The following DNAL1 variants were observed in gnomAD, a reference collection of about 807,000 sequenced individuals.
DNAL1 encodes chromosome 14 open reading frame 168.
Under a neutral mutation model 29.4 loss-of-function variants are expected in DNAL1, and 17 were observed. That is an observed-to-expected ratio of 0.58 (90% CI 0.40 to 0.87). The LOEUF is 0.87. Among genes scored for constraint, DNAL1 ranks in the 40% least tolerant of loss-of-function variants. DNAL1 has a pLI of 0.00. For missense variants in DNAL1, 188 were observed against 214.1 expected (o/e 0.88, Z 0.76); for synonymous variants, 78 against 76.3 (o/e 1.02, Z -0.12).
chr14:73,685,613 C>T (rs12436322), intron 5 of DNAL1, among the ~76,000 whole-genome samples: 33,607 of 151,868 alleles, frequency 0.22, 4,985 homozygotes, highest in Non-Finnish European at 0.33. Context: ...GCATGTGCCA[C>T]CATGCCCGGC....
chr14:73,645,195 A>G (rs1890950584), intron 1 of DNAL1, among the ~76,000 whole-genome samples, 153 bp downstream of exon 1: 1 of 152,120 alleles, frequency 6.6e-6, no homozygotes, highest in African/African-American at 2.4e-5. Flanking sequence ...CCGAGGCGAA[A>G]GAGAAGCCCT....
rs770999301 is a variant in DNAL1, at chr14:73,644,994, C to G, written c.-46C>G. 3.1e-6 allele frequency: 5 copies of G among 1,604,588 alleles called. No individual in the cohort carries two copies. In the East Asian group the frequency reaches 9.0e-5, roughly 29 times the overall value. ...CCGAGAAGTGCGCACGCGCACTGAC[C>G]CCGCGGGCCCTAGCAACCAGAGCAG... On this transcript the variant is annotated 5_prime_UTR_variant, in exon 1 of 8. Transcript: ENST00000553645.
chr14:73,694,821 A>T (rs553800096), intron 7 of DNAL1, among the ~76,000 whole-genome samples: 17 of 150,270 alleles, frequency 1.1e-4, no homozygotes, highest in Non-Finnish European at 1.9e-4. Flanking sequence ...TTCTGAGTAG[A>T]TGGGATTACA....
intron 4 of DNAL1, among the ~76,000 whole-genome samples, chr14:73,670,736 TTTA>T (rs933351653): frequency 4.0e-5 from 6 of 151,408 alleles, no homozygotes; most frequent in Non-Finnish European, 8.8e-5. Context: ...TTTATTTATT[TTTA>T]TTATTATTTT....
intron 6 of DNAL1, 57 bp downstream of exon 6, chr14:73,687,442 C>T (rs1416455414): frequency 4.8e-6 from 7 of 1,452,374 alleles, no homozygotes; most frequent in African/African-American, 1.4e-5. Context: ...GAAAATAGTC[C>T]GAGAGGGAAA....
At position 73,695,048 on chromosome 14, in the gene DNAL1, C is replaced by CTTTTT. The variant is rs71112798; in HGVS notation, c.533-833_533-829dup. ...TATTTTTCTACTTGGTACTTGTTGG[C>CTTTTT]TTTTTTTTTTTTTTTTTTTTTTTTT... On this transcript the variant is annotated intron_variant, in intron 7 of 7. Transcript: ENST00000553645. 3.3e-3 allele frequency among the ~76,000 whole-genome samples: 201 copies of CTTTTT among 60,890 alleles called. 15 individuals are homozygous for CTTTTT. The highest frequency in any genetic ancestry group is 8.4e-3 in the African/African-American group (119 of 14,210). 39.9% of individuals were successfully genotyped at this position (60,890 alleles called of 152,430 possible). A position where few individuals can be genotyped will look rare whatever the true frequency, so the allele number is the denominator to read the frequency against.
At chr14:73,693,418 C>T (rs768266654) in intron 7 of DNAL1, among the ~76,000 whole-genome samples, 1 of 152,138 alleles carries the variant, frequency 6.6e-6, no homozygotes, top group Non-Finnish European at 1.5e-5. Context: ...TTATAAACTA[C>T]TTAAATGTTC....
At chr14:73,684,424 AAAT>A (rs1891962994) in intron 5 of DNAL1, among the ~76,000 whole-genome samples, 2 of 152,276 alleles carry the variant, frequency 1.3e-5, no homozygotes, top group African/African-American at 4.8e-5. Flanking sequence ...TGTTTATATT[AAAT>A]AATATAAAAG....
intron 6 of DNAL1, among the ~76,000 whole-genome samples, chr14:73,689,119 C>T (rs562583963): frequency 9.5e-5 from 14 of 146,862 alleles, no homozygotes; most frequent in East Asian, 2.1e-4. Context: ...CTGCAACCTC[C>T]GTCTCCCGGG....
chr14:73,675,958 G>A (rs900863903), intron 5 of DNAL1, among the ~76,000 whole-genome samples: 1 of 151,998 alleles, frequency 6.6e-6, no homozygotes, highest in Non-Finnish European at 1.5e-5. Flanking sequence ...GAGGATGCAG[G>A]AGCCGAGATT....
intron 4 of DNAL1, among the ~76,000 whole-genome samples, chr14:73,664,830 C>T (rs535120356): frequency 1.3e-5 from 2 of 151,852 alleles, no homozygotes; most frequent in African/African-American, 4.8e-5. Flanking sequence ...TACTGCACTC[C>T]AGCCTGTGCA....
chr14:73,658,264 A>G (rs1029805526), intron 2 of DNAL1, among the ~76,000 whole-genome samples: 7 of 152,154 alleles, frequency 4.6e-5, no homozygotes, highest in African/African-American at 7.2e-5. Context: ...TGGTCTGTGT[A>G]TCTGCTTTTA....
chr14:73,653,845 T>G (rs577288655), intron 1 of DNAL1, among the ~76,000 whole-genome samples: 1 of 152,272 alleles, frequency 6.6e-6, no homozygotes, highest in African/African-American at 2.4e-5. Flanking sequence ...ACCTTTAGAG[T>G]TTTAAATATA....
At chr14:73,663,933 G>A (rs914117244) in intron 4 of DNAL1, among the ~76,000 whole-genome samples, 1 of 152,202 alleles carries the variant, frequency 6.6e-6, no homozygotes, top group Non-Finnish European at 1.5e-5. Context: ...CTATGTAGTT[G>A]TGGGTGTATC....
Position 73,654,556 on chromosome 14 carries a change from G to A in DNAL1, c.4-291G>A, listed in dbSNP as rs116380199. 8.3e-3 allele frequency among the ~76,000 whole-genome samples: 1,265 copies of A among 152,168 alleles called. 25 individuals are homozygous for A. The highest frequency in any genetic ancestry group is 0.029 in the African/African-American group (1,197 of 41,518). ...GGCAGATCATGAGGTCAAGGAGTTC[G>A]AGACCACCCTGGCCAACATGGTGAA... On this transcript the variant is annotated intron_variant, in intron 1 of 7. Transcript: ENST00000553645.
chr14:73,654,786 A>G (rs1595201933), intron 1 of DNAL1, 61 bp from the exon 2 acceptor site: 4 of 1,421,710 alleles, frequency 2.8e-6, no homozygotes, highest in East Asian at 5.0e-5. Flanking sequence ...ACATACATAC[A>G]TACATTCATA....
chr14:73,659,317 C>G (rs1344978146), intron 3 of DNAL1, among the ~76,000 whole-genome samples: 1 of 151,886 alleles, frequency 6.6e-6, no homozygotes, highest in Non-Finnish European at 1.5e-5. Context: ...CACATGCCAC[C>G]ACGCCCAGCA....
Position 73,703,535 on chromosome 14 carries a change from G to C in DNAL1, c.*7593G>C, listed in dbSNP as rs1352086919. The C allele has an allele frequency of 6.6e-6, 1 of 152,130 alleles. No individual in the cohort carries two copies. Among genetic ancestry groups the C allele is most frequent in the African/African-American group, 2.4e-5 (1 of 41,414 alleles). The allele number at this position is 152,130 out of a possible 1,614,324, so 9.4% of individuals were successfully genotyped here. A position where few individuals can be genotyped will look rare whatever the true frequency, so the allele number is the denominator to read the frequency against. On this transcript the variant is annotated 3_prime_UTR_variant, in exon 8 of 8. Transcript: ENST00000553645. ...TGTAATCTCCCCCACCCTTAAGAAG[G>C]TTCTTTTTAATTCTCCCCACCCTTG...
At chr14:73,647,411 C>T (rs1891007009) in intron 1 of DNAL1, among the ~76,000 whole-genome samples, 1 of 151,366 alleles carries the variant, frequency 6.6e-6, no homozygotes, top group Non-Finnish European at 1.5e-5. Context: ...AAATATGTTT[C>T]ACCATTGGAC....
Sources: allele counts gnomAD v4.1 joint callset (sites outside exome capture counted in the v4.1 genomes callset), GRCh38; gene constraint gnomAD v4.1.1; transcripts MANE v1.5; gene names NCBI Gene and HGNC (gene_info 2026-07-23, HGNC 2026-07-21).